NECAB1: variants seen among roughly 807,000 people sequenced by gnomAD.
NECAB1 encodes N-terminal EF-hand calcium-binding protein 1.
NECAB1 carries 29 observed loss-of-function variants against 57.5 expected under a neutral mutation model. The ratio of observed to expected loss-of-function variants is 0.50; its 90% CI spans 0.38 to 0.69. The LOEUF (loss-of-function observed/expected upper bound fraction) is 0.69. Ranked by LOEUF, NECAB1 falls within the 30% of genes least tolerant of loss-of-function variation. The pLI is 0.00. For missense variants in NECAB1, 372 were observed against 413.8 expected (o/e 0.90, Z 0.88); for synonymous variants, 142 against 147.7 (o/e 0.96, Z 0.28).
At chr8:90,801,614 A>C (rs1042476884) in intron 1 of NECAB1, 77 bp from the exon 2 acceptor site, 4 of 849,148 alleles carry the variant, frequency 4.7e-6, no homozygotes, top group Non-Finnish European at 7.4e-6. Flanking sequence ...AATTATGAAT[A>C]AATTATGTGT....
chr8:90,895,204 C>A (rs1809294217), intron 5 of NECAB1, among the ~76,000 whole-genome samples: 1 of 152,172 alleles, frequency 6.6e-6, no homozygotes, highest in Non-Finnish European at 1.5e-5. Flanking sequence ...TCAGCCATCT[C>A]CTTGTTAATA....
intron 5 of NECAB1, among the ~76,000 whole-genome samples, 173 bp from the exon 6 acceptor site, chr8:90,917,319 G>A (rs992269059): frequency 3.3e-5 from 5 of 151,882 alleles, no homozygotes; most frequent in Non-Finnish European, 5.9e-5. Flanking sequence ...CTCCTGGTGG[G>A]TGGATGAGAG....
chr8:90,905,791 T>G (rs1472568142), intron 5 of NECAB1, among the ~76,000 whole-genome samples: 1 of 152,230 alleles, frequency 6.6e-6, no homozygotes, highest in Non-Finnish European at 1.5e-5. Flanking sequence ...CTATTTCATA[T>G]TGTTCATCTC....
intron 5 of NECAB1, among the ~76,000 whole-genome samples, chr8:90,916,897 G>A (rs1427660419): frequency 6.6e-6 from 1 of 152,152 alleles, no homozygotes; most frequent in Non-Finnish European, 1.5e-5. Context: ...TGAGCCTCAG[G>A]TAAAGTTACT....
intron 3 of NECAB1, among the ~76,000 whole-genome samples, chr8:90,862,312 T>C (rs968338520): frequency 6.6e-6 from 1 of 152,096 alleles, no homozygotes. Flanking sequence ...ATAATAGCTG[T>C]CCTTGTGTGG....
At chr8:90,845,078 C>CT (rs1812530924) in intron 3 of NECAB1, among the ~76,000 whole-genome samples, 1 of 152,184 alleles carries the variant, frequency 6.6e-6, no homozygotes, top group Non-Finnish European at 1.5e-5. Flanking sequence ...GAAGGTCAGT[C>CT]TTTTTTCCTA....
Position 90,810,168 on chromosome 8 carries a change from G to A in NECAB1, c.124+8453G>A, listed in dbSNP as rs75230965. 2.3e-3 allele frequency among the ~76,000 whole-genome samples: 350 copies of A among 152,206 alleles called. 1 individual carries two copies. The highest frequency in any genetic ancestry group is 7.8e-3 in the African/African-American group (325 of 41,528). On this transcript the variant is annotated intron_variant, in intron 2 of 12. Transcript: ENST00000417640. ...TGTGGCTCATCTCTGTAGCAGAATTGTGCTGTTGAAATCTAGAAATACCAA... is the reference window on the plus strand; with the variant it reads ...TGTGGCTCATCTCTGTAGCAGAATTATGCTGTTGAAATCTAGAAATACCAA...
intron 5 of NECAB1, among the ~76,000 whole-genome samples, chr8:90,904,752 A>G (rs1220806632): frequency 1.3e-5 from 2 of 152,280 alleles, no homozygotes; most frequent in East Asian, 3.9e-4. Flanking sequence ...GAACATGTAT[A>G]GAAACCTAAT....
chr8:90,949,622 A>C (rs1810884669), intron 10 of NECAB1, among the ~76,000 whole-genome samples, 185 bp from the exon 11 acceptor site: 1 of 152,218 alleles, frequency 6.6e-6, no homozygotes. Context: ...AAAAACACTT[A>C]TGCCTAACAG....
intron 2 of NECAB1, among the ~76,000 whole-genome samples, chr8:90,812,171 G>C (rs1811970880): frequency 6.6e-6 from 1 of 152,162 alleles, no homozygotes; most frequent in Non-Finnish European, 1.5e-5. Context: ...CAAGCGATTC[G>C]ATTATGTACT....
chr8:90,945,341 C>T (rs1026524096), intron 10 of NECAB1, among the ~76,000 whole-genome samples: 5 of 152,262 alleles, frequency 3.3e-5, no homozygotes, highest in Admixed American at 2.6e-4. Context: ...GCTGGAATTA[C>T]AGGCATGAGC....
intron 5 of NECAB1, among the ~76,000 whole-genome samples, chr8:90,899,053 G>T (rs1037893304): frequency 1.2e-4 from 19 of 152,228 alleles, no homozygotes; most frequent in African/African-American, 4.6e-4. Context: ...TGTGAAAAGA[G>T]GAGGAAATGG....
At chr8:90,908,657 A>C (rs1057015887) in intron 5 of NECAB1, among the ~76,000 whole-genome samples, 1 of 152,174 alleles carries the variant, frequency 6.6e-6, no homozygotes, top group African/African-American at 2.4e-5. Context: ...CAAAACAAAA[A>C]GGAAAGCCAC....
At chr8:90,922,504 T>TTTTTTTG (rs1810144884) in intron 6 of NECAB1, among the ~76,000 whole-genome samples, 1 of 138,586 alleles carries the variant, frequency 7.2e-6, no homozygotes, top group African/African-American at 2.7e-5. Context: ...TTTTTTTTTT[T>TTTTTTTG]TTTTTTGAGA....
intron 6 of NECAB1, among the ~76,000 whole-genome samples, chr8:90,920,135 T>G (rs1335855140): frequency 1.3e-5 from 2 of 152,146 alleles, no homozygotes; most frequent in African/African-American, 4.8e-5. Context: ...CTTCAAATAA[T>G]GGGAAATGTT....
intron 5 of NECAB1, among the ~76,000 whole-genome samples, chr8:90,890,194 G>A (rs1164450724): frequency 6.6e-6 from 1 of 152,188 alleles, no homozygotes; most frequent in African/African-American, 2.4e-5. Flanking sequence ...CTTGTGTCAA[G>A]GATGGGACCA....
At chr8:90,858,560 G>C (rs1364497605) in intron 3 of NECAB1, among the ~76,000 whole-genome samples, 2 of 143,352 alleles carry the variant, frequency 1.4e-5, no homozygotes, top group Non-Finnish European at 3.1e-5. Context: ...TGAGACTGAA[G>C]AATAAATTAC....
chr8:90,943,485 C>G (rs1327394905), intron 10 of NECAB1, among the ~76,000 whole-genome samples: 1 of 152,152 alleles, frequency 6.6e-6, no homozygotes, highest in East Asian at 1.9e-4. Context: ...GTGTGTCTGT[C>G]TACATTCAAT....
At chr8:90,937,266 G>C (rs1264456367) in intron 9 of NECAB1, among the ~76,000 whole-genome samples, 1 of 152,036 alleles carries the variant, frequency 6.6e-6, no homozygotes, top group Non-Finnish European at 1.5e-5. Context: ...CTGGAGATAG[G>C]GTCTGGAAAT....
Sources: gnomAD v4.1 joint callset for allele counts (sites outside exome capture counted in the v4.1 genomes callset) on GRCh38, gnomAD v4.1.1 for gene constraint, MANE v1.5 for transcripts, NCBI Gene and HGNC (gene_info 2026-07-23, HGNC 2026-07-21) for gene names.